The following EPHA6 variants were observed in gnomAD, a reference collection of about 807,000 sequenced individuals.
EPHA6 encodes the protein EPH receptor A6.
A neutral mutation model predicts 112.0 loss-of-function variants in EPHA6; 50 were observed. The observed-to-expected ratio is 0.45, with a 90% CI of 0.36 to 0.56. The LOEUF is 0.56. Ranked by LOEUF, EPHA6 falls within the 20% of genes least tolerant of loss-of-function variation. The pLI, the probability that EPHA6 is intolerant of heterozygous loss-of-function variation, is 0.00. For missense variants in EPHA6, 1,280 were observed against 1,417.4 expected (o/e 0.90, Z 1.56); for synonymous variants, 529 against 490.7 (o/e 1.08, Z -1.03).
At chr3:97,197,987 C>T (rs757814822) in intron 3 of EPHA6, among the ~76,000 whole-genome samples, 2 of 152,062 alleles carry the variant, frequency 1.3e-5, no homozygotes, top group Admixed American at 6.6e-5. Flanking sequence ...CTACAATCAC[C>T]GTGCTCTCCC....
chr3:96,958,178 T>TGGC (rs2107741810), intron 2 of EPHA6, among the ~76,000 whole-genome samples: 1 of 152,042 alleles, frequency 6.6e-6, no homozygotes, highest in Admixed American at 6.5e-5. Context: ...TATTCCCAGC[T>TGGC]ACTTGGGTGG....
At chr3:97,117,019 C>T (rs1342738632) in intron 3 of EPHA6, among the ~76,000 whole-genome samples, 1 of 151,476 alleles carries the variant, frequency 6.6e-6, no homozygotes, top group African/African-American at 2.4e-5. Context: ...TGGTAATAGC[C>T]CTTTTAACCA....
intron 3 of EPHA6, among the ~76,000 whole-genome samples, chr3:97,014,999 A>G (rs1476490092): frequency 6.6e-6 from 1 of 152,162 alleles, no homozygotes; most frequent in Non-Finnish European, 1.5e-5. Flanking sequence ...TGGTTCCTTT[A>G]GTAGATTTAA....
intron 14 of EPHA6, among the ~76,000 whole-genome samples, chr3:97,681,309 C>T (rs2031843443): frequency 6.6e-6 from 1 of 152,064 alleles, no homozygotes; most frequent in Non-Finnish European, 1.5e-5. Flanking sequence ...TTTTGAAGAA[C>T]ACCTGGCAGT....
intron 3 of EPHA6, among the ~76,000 whole-genome samples, chr3:97,112,966 A>G (rs1181286923): frequency 6.6e-6 from 1 of 152,098 alleles, no homozygotes; most frequent in Non-Finnish European, 1.5e-5. Flanking sequence ...TAAGAGTTCA[A>G]CACTCACTTG....
At chr3:97,540,295 T>C (rs76451346) in intron 11 of EPHA6, among the ~76,000 whole-genome samples, 2,359 of 152,306 alleles carry the variant, frequency 0.015, 71 homozygotes, top group African/African-American at 0.054. Flanking sequence ...TGTGGAATTA[T>C]AATGTACACA....
At chr3:96,994,730 T>TAGAGAGAGAGAGAGAGAG (rs1325190702) in intron 3 of EPHA6, among the ~76,000 whole-genome samples, 2 of 82,826 alleles carry the variant, frequency 2.4e-5, no homozygotes, top group Non-Finnish European at 4.3e-5. Flanking sequence ...TATATATATA[T>TAGAGAGAGAGAGAGAGAG]ATAGAGAGAG....
chr3:97,422,570 G>A (rs1015268491), intron 6 of EPHA6, among the ~76,000 whole-genome samples: 5 of 152,136 alleles, frequency 3.3e-5, no homozygotes, highest in South Asian at 2.1e-4. Context: ...CGTAAAATCA[G>A]CACTTGACGA....
intron 1 of EPHA6, among the ~76,000 whole-genome samples, chr3:96,854,660 G>A (rs761361447): frequency 1.3e-5 from 2 of 152,050 alleles, no homozygotes; most frequent in Non-Finnish European, 2.9e-5. Context: ...TATTTTTGGA[G>A]TTTTGTAAAT....
At chr3:97,588,033 G>A (rs548030133) in intron 11 of EPHA6, among the ~76,000 whole-genome samples, 13 of 151,786 alleles carry the variant, frequency 8.6e-5, no homozygotes, top group African/African-American at 2.9e-4. Flanking sequence ...GTTTTACAGG[G>A]GATATTATCA....
At chr3:97,374,730 T>A (rs1434949045) in intron 5 of EPHA6, among the ~76,000 whole-genome samples, 2 of 152,082 alleles carry the variant, frequency 1.3e-5, no homozygotes, top group Middle Eastern at 3.2e-3. Flanking sequence ...GTGTATCCAG[T>A]TTAGCTTCTA....
At chr3:97,087,629 T>G (rs2046942548) in intron 3 of EPHA6, among the ~76,000 whole-genome samples, 1 of 152,138 alleles carries the variant, frequency 6.6e-6, no homozygotes, top group African/African-American at 2.4e-5. Flanking sequence ...AGCAAATTTC[T>G]ACACATTGAA....
chr3:97,004,197 C>T (rs1219995531), intron 3 of EPHA6, among the ~76,000 whole-genome samples: 1 of 152,118 alleles, frequency 6.6e-6, no homozygotes, highest in Non-Finnish European at 1.5e-5. Flanking sequence ...ATTTCTGGTT[C>T]TAGATCCTTG....
chr3:97,120,922 T>C (rs1036819834), intron 3 of EPHA6, among the ~76,000 whole-genome samples: 2 of 152,026 alleles, frequency 1.3e-5, no homozygotes, highest in African/African-American at 4.8e-5. Flanking sequence ...ACATTTAATA[T>C]ATGAAAAAAA....
At chr3:96,853,142 A>G (rs1394629058) in intron 1 of EPHA6, among the ~76,000 whole-genome samples, 1 of 152,138 alleles carries the variant, frequency 6.6e-6, no homozygotes, top group African/African-American at 2.4e-5. Context: ...GCATAAAGGC[A>G]TATTATCAAA....
intron 2 of EPHA6, among the ~76,000 whole-genome samples, chr3:96,954,191 C>T (rs1419553722): frequency 6.6e-6 from 1 of 152,090 alleles, no homozygotes; most frequent in Admixed American, 6.6e-5. Flanking sequence ...GCATCTTAAC[C>T]GCTGTCCCTT....
intron 12 of EPHA6, among the ~76,000 whole-genome samples, chr3:97,596,892 ATATATATATATATG>A (rs1170887685): frequency 1.1e-4 from 15 of 139,638 alleles, no homozygotes; most frequent in African/African-American, 3.7e-4. Flanking sequence ...ATATATATAT[ATATATATATATATG>A]TATGTATATA....
At chr3:97,161,129 T>C (rs538331523) in intron 3 of EPHA6, among the ~76,000 whole-genome samples, 1 of 152,282 alleles carries the variant, frequency 6.6e-6, no homozygotes, top group East Asian at 1.9e-4. Flanking sequence ...CCCAACTTTA[T>C]GGCTTCATAG....
chr3:96,938,944 C>T (rs546681367), intron 2 of EPHA6, among the ~76,000 whole-genome samples: 94 of 152,144 alleles, frequency 6.2e-4, no homozygotes, highest in Non-Finnish European at 1.2e-3. Flanking sequence ...CCTTGCATCC[C>T]AGGGATGAAG....
Sources: gnomAD v4.1 joint callset for allele counts (sites outside exome capture counted in the v4.1 genomes callset) on GRCh38, gnomAD v4.1.1 for gene constraint, MANE v1.5 for transcripts, NCBI Gene and HGNC (gene_info 2026-07-23, HGNC 2026-07-21) for gene names.